Variants in RUNX3 observed in about 807,000 individuals in gnomAD.
The protein encoded by RUNX3 is RUNX family transcription factor 3, also known as runt-related transcription factor 3.
A neutral mutation model predicts 27.7 loss-of-function variants in RUNX3; 10 were observed. The observed-to-expected ratio is 0.36, with a 90% CI of 0.22 to 0.61. The LOEUF is 0.61. Among genes scored for constraint, RUNX3 ranks in the 20% least tolerant of loss-of-function variants. The pLI is 0.72. For missense variants in RUNX3, 469 were observed against 629.5 expected (o/e 0.75, Z 2.73); for synonymous variants, 270 against 269.2 (o/e 1.00, Z -0.03).
chr1:24,956,222 T>G (rs1286729207), intron 2 of RUNX3, among the ~76,000 whole-genome samples: 2 of 152,228 alleles, frequency 1.3e-5, no homozygotes, highest in African/African-American at 4.8e-5. Flanking sequence ...CTCAGGCTGA[T>G]GGGAGCCCCA....
intron 2 of RUNX3, among the ~76,000 whole-genome samples, chr1:24,948,601 G>A (rs1641674146): frequency 6.6e-6 from 1 of 151,972 alleles, no homozygotes; most frequent in Admixed American, 6.5e-5. Context: ...GGGTGCATGT[G>A]GAGGAGGGGT....
chr1:24,946,100 C>T (rs967752918), intron 2 of RUNX3, among the ~76,000 whole-genome samples: 1 of 152,120 alleles, frequency 6.6e-6, no homozygotes, highest in Non-Finnish European at 1.5e-5. Context: ...AGTGAATGAA[C>T]GAATGCTGTT....
chr1:24,957,162 C>T (rs1440194055), intron 2 of RUNX3, among the ~76,000 whole-genome samples: 2 of 152,194 alleles, frequency 1.3e-5, no homozygotes, highest in Non-Finnish European at 2.9e-5. Flanking sequence ...TTCCCAGACT[C>T]GAAAGAAAAC....
At chr1:24,933,121 G>T (rs191634427), upstream of RUNX3, among the ~76,000 whole-genome samples, 8 of 152,294 alleles carry the variant, frequency 5.3e-5, no homozygotes, top group Admixed American at 2.0e-4. Context: ...TGTGGCGCCT[G>T]GGCAGGGATC....
chr1:24,938,683 TG>T (rs560473330), intron 2 of RUNX3, among the ~76,000 whole-genome samples: 1 of 152,216 alleles, frequency 6.6e-6, no homozygotes, highest in East Asian at 1.9e-4. Flanking sequence ...TAAGAGGCAG[TG>T]GGGGGCCTTT....
chr1:24,948,276 C>A (rs531866368), intron 2 of RUNX3, among the ~76,000 whole-genome samples: 2 of 152,222 alleles, frequency 1.3e-5, no homozygotes, highest in African/African-American at 2.4e-5. Flanking sequence ...CTTGGTCCCC[C>A]CAAAAGGAGT....
rs777780456 is a variant in RUNX3 at position 24,907,320 on chromosome 1, G to A, written c.642C>T (p.Ser214=). Residue 214 remains serine, a synonymous_variant, in exon 4 of 5, where the codon AGC becomes AGT. Transcript: ENST00000308873. ...TTGTGGTGCTGAGTGAGCCTCGGGG[G>A]CTGGGTGTGCTCGGTGTCACCCGCA... ...LRMRVTPSTP[S]PRGSLSTTSH... 8.1e-6 allele frequency: 13 copies of A among 1,613,138 alleles called. No homozygotes were observed. In the African/African-American group the frequency reaches 1.6e-4, roughly 20 times the overall value.
chr1:24,958,784 C>T (rs1207749627), intron 2 of RUNX3, among the ~76,000 whole-genome samples: 1 of 152,196 alleles, frequency 6.6e-6, no homozygotes, highest in East Asian at 1.9e-4. Flanking sequence ...GGACAGGGCT[C>T]CCCAGTGGCT....
intron 2 of RUNX3, among the ~76,000 whole-genome samples, chr1:24,957,350 AT>A (rs1339267411): frequency 1.3e-5 from 2 of 151,784 alleles, no homozygotes; most frequent in African/African-American, 4.8e-5. Flanking sequence ...CCATCCATCC[AT>A]CCATCCATCC....
In RUNX3 at chr1:24,902,773, C is replaced by T. The variant is rs1217253375; in HGVS notation, c.704-107G>A. 10 of 1,021,882 alleles carry T rather than the reference C, an allele frequency of 9.8e-6. No homozygotes were observed. In the Admixed American group the frequency reaches 2.8e-4, roughly 29 times the overall value. The allele number at this position is 1,021,882 out of a possible 1,614,324, so 63.3% of individuals were successfully genotyped here. A position where few individuals can be genotyped will look rare whatever the true frequency, so the allele number is the denominator to read the frequency against. ...TTCCCAAGGCCCATCTGGGGGACCC[C>T]TAGTTCTAGACCTGGCTCTCCTCTT... On this transcript the variant is annotated intron_variant, in intron 4 of 4. Coordinates refer to ENST00000308873, the MANE Select transcript of RUNX3 (RefSeq NM_004350.3). The surrounding 1 kb of genome is among the most constrained non-coding windows in gnomAD (Gnocchi z 9.2).
At position 24,901,662 on chromosome 1, in the gene RUNX3, C is replaced by G. The variant is rs1314508722; in HGVS notation, c.*460G>C. ...CTGTGTAAATGCAGAGGGGGCTGGA[C>G]CCAGGGGATGCAGGGGCTCCAACGA... On this transcript the variant is annotated 3_prime_UTR_variant, in exon 5 of 5. Coordinates refer to ENST00000308873, the MANE Select transcript of RUNX3 (RefSeq NM_004350.3). 3.6e-5 allele frequency: 6 copies of G among 164,564 alleles called. No homozygotes were observed. Among genetic ancestry groups the G allele is most frequent in the African/African-American group, 1.4e-4 (6 of 41,686 alleles). The allele number at this position is 164,564 out of a possible 1,614,324, so 10.2% of individuals were successfully genotyped here.
upstream of RUNX3, among the ~76,000 whole-genome samples, chr1:24,933,489 G>A (rs1362202213): frequency 1.3e-5 from 2 of 152,046 alleles, no homozygotes; most frequent in East Asian, 1.9e-4. Context: ...ACTTCCATCT[G>A]TGAAATGTCC....
chr1:24,928,579 G>A (rs1473704005), intron 1 of RUNX3, among the ~76,000 whole-genome samples: 2 of 152,242 alleles, frequency 1.3e-5, no homozygotes, highest in Non-Finnish European at 2.9e-5. Flanking sequence ...TGATTAAGAA[G>A]ACCAGATTTC....
intron 2 of RUNX3, among the ~76,000 whole-genome samples, chr1:24,955,306 T>C (rs909055161): frequency 6.6e-6 from 1 of 152,068 alleles, no homozygotes; most frequent in African/African-American, 2.4e-5. Flanking sequence ...AGAGAAGATA[T>C]CTTCCGGGCA....
Position 24,943,888 on chromosome 1 carries a change from G to A in RUNX3, c.59-14036C>T, listed in dbSNP as rs1359952205. Among the ~76,000 whole-genome samples the A allele has an allele frequency of 6.6e-6, 1 of 152,218 alleles. No homozygotes were observed. The highest frequency in any genetic ancestry group is 1.5e-5 in the Non-Finnish European group (1 of 68,038). ...CCTGAATCCCTCGTTTGCAGGGAAA[G>A]CCTCTTCCTTCTCATCTTGCAGTAC... is the stretch of plus-strand genomic sequence containing the variant. On this transcript the variant is annotated intron_variant, in intron 2 of 6. Coordinates refer to the RUNX3 transcript ENST00000338888. This position sits in a 1 kb window ranked among gnomAD's most constrained non-coding sequence, Gnocchi z 4.6.
intron 2 of RUNX3, among the ~76,000 whole-genome samples, chr1:24,921,169 C>A (rs566301355): frequency 4.6e-5 from 7 of 152,352 alleles, no homozygotes; most frequent in African/African-American, 1.7e-4. Flanking sequence ...TAGGTTTCAA[C>A]AGCCCCACGT....
intron 2 of RUNX3, among the ~76,000 whole-genome samples, chr1:24,939,367 G>A (rs182391351): frequency 6.6e-6 from 1 of 152,370 alleles, no homozygotes; most frequent in African/African-American, 2.4e-5. Context: ...ACAGTTAAGT[G>A]CAGGTGTGTG....
At chr1:24,929,333 G>GTC (rs1423604889) in intron 1 of RUNX3, 9 of 686,512 alleles carry the variant, frequency 1.3e-5, no homozygotes, top group Non-Finnish European at 1.9e-5. Context: ...CCGCACCAAC[G>GTC]TCTCTACGCA....
At chr1:24,946,017 C>G (rs1482017085) in intron 2 of RUNX3, among the ~76,000 whole-genome samples, 3 of 152,102 alleles carry the variant, frequency 2.0e-5, no homozygotes, top group Admixed American at 6.5e-5. Context: ...CTGAGTCTGG[C>G]TTTAGGGGGG....
Sources: gnomAD v4.1 joint callset for allele counts (sites outside exome capture counted in the v4.1 genomes callset) on GRCh38, gnomAD v4.1.1 for gene constraint, Gnocchi (gnomAD v3.1) non-coding constraint, MANE v1.5 for transcripts, NCBI Gene and HGNC (gene_info 2026-07-23, HGNC 2026-07-21) for gene names.